Variants in ATP2B4 observed in about 807,000 individuals in gnomAD.
The protein encoded by ATP2B4 is plasma membrane calcium-transporting ATPase 4.
ATP2B4 carries 39 observed loss-of-function variants against 110.3 expected under a neutral mutation model. That is an observed-to-expected ratio of 0.35 (90% CI 0.27 to 0.46). The LOEUF (loss-of-function observed/expected upper bound fraction) is 0.46, where lower values mean the gene tolerates loss of function less well. Ranked by LOEUF, ATP2B4 falls within the 20% of genes least tolerant of loss-of-function variation. The probability of loss-of-function intolerance (pLI) is 1.00; values close to 1 mark genes in which losing one functional copy is unlikely to be tolerated. For synonymous variants in ATP2B4, 538 were observed against 571.7 expected (o/e 0.94, Z 0.84); for missense variants, 1,135 against 1,530.9 (o/e 0.74, Z 4.32).
At chr1:203,640,399 C>T (rs1376324596) in intron 1 of ATP2B4, among the ~76,000 whole-genome samples, 2 of 152,186 alleles carry the variant, frequency 1.3e-5, no homozygotes, top group Middle Eastern at 3.2e-3. Flanking sequence ...CTCACTGCAA[C>T]CTCAACTTCC....
chr1:203,715,210 G>T (rs1666126277), intron 15 of ATP2B4, among the ~76,000 whole-genome samples: 1 of 150,348 alleles, frequency 6.7e-6, no homozygotes, highest in African/African-American at 2.4e-5. Flanking sequence ...GGGAGGCAGA[G>T]GTTGCAGCGA....
intron 17 of ATP2B4, 72 bp downstream of exon 17, chr1:203,721,482 G>T: frequency 6.8e-7 from 1 of 1,465,456 alleles, no homozygotes; most frequent in South Asian, 1.2e-5. Context: ...AAGGTAGCGT[G>T]AGAGCAAGTG....
chr1:203,642,998 C>T (rs1466154745), intron 1 of ATP2B4, among the ~76,000 whole-genome samples: 1 of 152,154 alleles, frequency 6.6e-6, no homozygotes, highest in Non-Finnish European at 1.5e-5. Flanking sequence ...CCAGCCTGCC[C>T]ACCTGCTCCC....
Position 203,719,225 on chromosome 1 carries a change from G to GAAAAAAAAA in ATP2B4, c.2407-1312_2407-1304dup, listed in dbSNP as rs60841821. Among the ~76,000 whole-genome samples the GAAAAAAAAA allele has an allele frequency of 4.0e-3, 216 of 54,358 alleles. 3 individuals carry two copies. Among genetic ancestry groups the GAAAAAAAAA allele is most frequent in the East Asian group, 0.017 (27 of 1,550 alleles). The allele number at this position is 54,358 out of a possible 152,430, so 35.7% of individuals were successfully genotyped here. On this transcript the variant is annotated intron_variant, in intron 15 of 20. Coordinates refer to ENST00000357681, the MANE Select transcript of ATP2B4 (RefSeq NM_001684.5). ...AGATGACAGAGCAAGACCCTGTCTCGAAAAAAAAAAAAAAAAAAAAGCAAG... is the reference window on the plus strand; with the variant it reads ...AGATGACAGAGCAAGACCCTGTCTCGAAAAAAAAAAAAAAAAAAAAAAAAAAAAAGCAAG...
At chr1:203,690,591 CT>C (rs750680468) in intron 2 of ATP2B4, among the ~76,000 whole-genome samples, 8 of 152,108 alleles carry the variant, frequency 5.3e-5, no homozygotes, top group South Asian at 2.1e-4. Flanking sequence ...TCTTCCCTAT[CT>C]TTAGAGCTTA....
Position 203,739,754 on chromosome 1 carries a change from T to C in ATP2B4, c.3518T>C (p.Val1173Ala). ...AGGGTGCTCCTGTTGGATGGTGAGG[T>C]CACTCCATATGCCAATACAAACAAC... Reference protein sequence around the residue: ...GTRVLLLDGEVTPYANTNNNA... With the variant: ...GTRVLLLDGEATPYANTNNNA... The change falls in exon 21 of 21, where the codon GTC becomes GCC. Residue 1173 changes from valine to alanine, a missense_variant. Val to Ala is a moderately conservative substitution (Grantham distance 64). This residue lies in a region of ATP2B4 where 92 missense variants were observed against 82.5 expected (regional missense o/e 1.11). Coordinates refer to ENST00000357681, the MANE Select transcript of ATP2B4 (RefSeq NM_001684.5). 1.2e-6 allele frequency: 2 copies of C among 1,614,098 alleles called. No individual in the cohort carries two copies. Among genetic ancestry groups the C allele is most frequent in the Non-Finnish European group, 1.7e-6 (2 of 1,180,012 alleles).
rs1666368556 is a variant in ATP2B4, at chr1:203,722,502, G to C, written c.2837G>C (p.Ser946Thr). The C allele has an allele frequency of 1.2e-6, 2 of 1,613,926 alleles. No individual in the cohort carries two copies. The highest frequency in any genetic ancestry group is 1.3e-5 in the African/African-American group (1 of 74,934). ...GGTGAGAAATTCTTTGATATTGATAGTGGGAGGAAGGCACCTCTACATTCA... is the reference window on the plus strand; with the variant it reads ...GGTGAGAAATTCTTTGATATTGATACTGGGAGGAAGGCACCTCTACATTCA... Reference protein sequence around the residue: ...FAGEKFFDIDSGRKAPLHSPP... With the variant: ...FAGEKFFDIDTGRKAPLHSPP... Residue 946 changes from serine (S) to threonine (T), a missense_variant, in exon 18 of 21, where the codon AGT (serine) becomes ACT (threonine). Ser to Thr is a moderately conservative substitution (Grantham distance 58). Transcript: ENST00000357681.
intron 9 of ATP2B4, among the ~76,000 whole-genome samples, chr1:203,707,426 G>C (rs16852198): frequency 0.14 from 20,724 of 151,668 alleles, 1,728 homozygotes; most frequent in South Asian, 0.25. Context: ...AATCTTAAGA[G>C]AATGACAAAA....
intron 1 of ATP2B4, among the ~76,000 whole-genome samples, chr1:203,669,072 C>A (rs1041153890): frequency 1.3e-5 from 2 of 152,094 alleles, no homozygotes; most frequent in South Asian, 2.1e-4. Flanking sequence ...TTTTTCACTT[C>A]CTACAAACCT....
intron 1 of ATP2B4, among the ~76,000 whole-genome samples, chr1:203,639,134 A>G (rs770248555): frequency 5.9e-5 from 9 of 152,130 alleles, no homozygotes; most frequent in African/African-American, 9.7e-5. Context: ...GAGGGGAAGC[A>G]CTATTAACTC....
rs202170011 is a variant in ATP2B4, at chr1:203,721,280, C to T, written c.2682C>T (p.Pro894=). 6.2e-7 allele frequency: 1 copy of T among 1,614,186 alleles called. No individual in the cohort carries two copies. The highest frequency in any genetic ancestry group is 8.5e-7 in the Non-Finnish European group (1 of 1,180,028). ...TFASLALATE[P]PTESLLKRRP... ...CTTCATTGGCCCTGGCCACAGAGCC[C>T]CCTACGGAATCTCTGTTGAAGCGGC... The change falls in exon 17 of 21, where the codon CCC becomes CCT. Residue 894 remains proline (P), a synonymous_variant. Transcript: ENST00000357681.
In ATP2B4 at chr1:203,703,735, G is replaced by A; in HGVS notation, c.1021G>A (p.Ala341Thr). The A allele has an allele frequency of 6.2e-7, 1 of 1,614,162 alleles. No homozygotes were observed. The highest frequency in any genetic ancestry group is 8.5e-7 in the Non-Finnish European group (1 of 1,180,018). Residue 341 changes from alanine to threonine, a missense_variant, in exon 8 of 21, where the codon GCA becomes ACA. By Grantham distance (58) the Ala-to-Thr change is moderately conservative. Coordinates refer to ENST00000357681, the MANE Select transcript of ATP2B4 (RefSeq NM_001684.5). ...CGACAATGAGGAAAAGGACAAGAAG[G>A]CAGTCAAGGTGCCTAAAAAGGAGAA... is the stretch of plus-strand genomic sequence containing the variant. ...GIDNEEKDKK[A>T]VKVPKKEKSV...
intron 8 of ATP2B4, among the ~76,000 whole-genome samples, chr1:203,705,164 G>A (rs1390870152): frequency 6.6e-6 from 1 of 152,234 alleles, no homozygotes; most frequent in Non-Finnish European, 1.5e-5. Context: ...ATATTGGACA[G>A]CATAAATAGA....
At chr1:203,706,065 G>A (rs1296228570) in intron 8 of ATP2B4, among the ~76,000 whole-genome samples, 1 of 152,112 alleles carries the variant, frequency 6.6e-6, no homozygotes, top group African/African-American at 2.4e-5. Context: ...CCACAGTTAG[G>A]GACAGTTGTC....
chr1:203,638,985 G>A (rs886916964), intron 1 of ATP2B4, among the ~76,000 whole-genome samples: 4 of 152,230 alleles, frequency 2.6e-5, no homozygotes, highest in Admixed American at 6.5e-5. Context: ...TGAGCTGAGA[G>A]AGGCAGAGTA....
rs1341708127 is a variant in ATP2B4 at position 203,722,553 on chromosome 1, T to C, written c.2888T>C (p.Val963Ala). The C allele has an allele frequency of 1.9e-6, 3 of 1,614,062 alleles. No homozygotes were observed. Among genetic ancestry groups the C allele is most frequent in the African/African-American group, 2.7e-5 (2 of 74,926 alleles). Reference protein sequence around the residue: ...HSPPSQHYTIVFNTFVLMQLF... With the variant: ...HSPPSQHYTIAFNTFVLMQLF... ...CCACCCAGCCAGCACTATACCATTGTTTTTAACACCTTCGTGCTGATGCAG... is the reference window on the plus strand; with the variant it reads ...CCACCCAGCCAGCACTATACCATTGCTTTTAACACCTTCGTGCTGATGCAG... The change falls in exon 18 of 21, where the codon GTT becomes GCT. Residue 963 changes from valine (V) to alanine (A), a missense_variant. This residue lies in a region of ATP2B4 where 155 missense variants were observed against 186.2 expected (regional missense o/e 0.83). Coordinates refer to ENST00000357681, the MANE Select transcript of ATP2B4 (RefSeq NM_001684.5).
At position 203,662,254 on chromosome 1, in the gene ATP2B4, C is replaced by T. The variant is rs776952582; in HGVS notation, c.-464-20488C>T. Among the ~76,000 whole-genome samples, 3 of 152,154 alleles carry T rather than the reference C, an allele frequency of 2.0e-5. No homozygotes were observed. In the South Asian group the frequency reaches 6.2e-4, roughly 32 times the overall value. The stretch of plus-strand genomic sequence containing the variant: ...TGTTAGCCAGGATGGTCTCGATCTC[C>T]GGACCTCATGATCCACCCGTCTCAG... On this transcript the variant is annotated intron_variant, in intron 1 of 20. Coordinates refer to ENST00000357681, the MANE Select transcript of ATP2B4 (RefSeq NM_001684.5).
intron 4 of ATP2B4, 62 bp from the exon 5 acceptor site, chr1:203,700,144 C>G (rs1486369073): frequency 5.1e-6 from 8 of 1,564,372 alleles, no homozygotes; most frequent in Non-Finnish European, 6.9e-6. Context: ...GTTGGAGGAC[C>G]CTACCCTCAG....
At chr1:203,641,057 A>G (rs1253142393) in intron 1 of ATP2B4, among the ~76,000 whole-genome samples, 1 of 152,212 alleles carries the variant, frequency 6.6e-6, no homozygotes, top group Non-Finnish European at 1.5e-5. Context: ...AGGCCATTAC[A>G]GGGAAATAGC....
Sources: gnomAD v4.1 joint callset for allele counts (sites outside exome capture counted in the v4.1 genomes callset) on GRCh38, gnomAD v4.1.1 for gene constraint, gnomAD v4.1.1 regional missense constraint, MANE v1.5 for transcripts, NCBI Gene and HGNC (gene_info 2026-07-23, HGNC 2026-07-21) for gene names.